Variants in KDM3A observed in about 807,000 individuals in gnomAD.
The protein encoded by KDM3A is lysine demethylase 3A.
KDM3A carries 60 observed loss-of-function variants against 158.0 expected under a neutral mutation model. The observed-to-expected ratio is 0.38, with a 90% CI of 0.31 to 0.47. The LOEUF (loss-of-function observed/expected upper bound fraction) is 0.47. Ranked by LOEUF, KDM3A falls within the 20% of genes least tolerant of loss-of-function variation. KDM3A has a pLI of 0.99. For synonymous variants in KDM3A, 608 were observed against 549.3 expected (o/e 1.11, Z -1.49); for missense variants, 1,319 against 1,574.3 (o/e 0.84, Z 2.74).
At chr2:86,472,245 T>C (rs185042905) in intron 11 of KDM3A, among the ~76,000 whole-genome samples, 147 of 152,236 alleles carry the variant, frequency 9.7e-4, no homozygotes, top group Non-Finnish European at 1.6e-3. Context: ...CATTTTTGAC[T>C]TCTTTAAAGG....
rs539803271 is a variant in KDM3A, at chr2:86,468,957, A to C, written c.1520-1247A>C. Reference sequence around the variant, plus strand: ...GAGCCAGGATAGAACAGATAAGATAACCTTCTTGCCTGTGATCTGTGGAAG... The same window carrying C: ...GAGCCAGGATAGAACAGATAAGATACCCTTCTTGCCTGTGATCTGTGGAAG... On this transcript the variant is annotated intron_variant, in intron 10 of 25. Transcript: ENST00000312912. 3.3e-5 allele frequency among the ~76,000 whole-genome samples: 5 copies of C among 152,256 alleles called. No individual in the cohort carries two copies. In the East Asian group the frequency reaches 9.7e-4, roughly 29 times the overall value.
chr2:86,454,110 A>G (rs1672587350), intron 4 of KDM3A, among the ~76,000 whole-genome samples: 1 of 152,124 alleles, frequency 6.6e-6, no homozygotes, highest in Non-Finnish European at 1.5e-5. Flanking sequence ...ATTCATTCAG[A>G]TTTTCTGTTT....
At chr2:86,474,701 T>TATGTG (rs1553396794) in intron 11 of KDM3A, 75 bp from the exon 12 acceptor site, 1 of 399,898 alleles carries the variant, frequency 2.5e-6, no homozygotes. Context: ...TGTAAATAAG[T>TATGTG]TGTGTGTGTG....
intron 3 of KDM3A, among the ~76,000 whole-genome samples, chr2:86,450,467 T>C (rs988274001): frequency 6.6e-5 from 10 of 152,220 alleles, no homozygotes; most frequent in African/African-American, 2.2e-4. Context: ...TGGATTATTA[T>C]ATTTTTTGGC....
intron 2 of KDM3A, among the ~76,000 whole-genome samples, chr2:86,449,356 G>C (rs11127040): frequency 0.78 from 118,389 of 152,164 alleles, 46,442 homozygotes; most frequent in East Asian, 0.95. Flanking sequence ...AATTCAAAAG[G>C]AGGTGGTGGA....
At chr2:86,468,787 T>G (rs2104669824) in intron 10 of KDM3A, among the ~76,000 whole-genome samples, 1 of 152,310 alleles carries the variant, frequency 6.6e-6, no homozygotes, top group South Asian at 2.1e-4. Flanking sequence ...GATAGATACG[T>G]GGCTCCTCGG....
intron 12 of KDM3A, among the ~76,000 whole-genome samples, chr2:86,477,220 TGA>T (rs773511890): frequency 2.1e-4 from 32 of 152,216 alleles, no homozygotes; most frequent in Non-Finnish European, 4.3e-4. Context: ...TTGGTTAGTG[TGA>T]GTTAGTCCTG....
intron 3 of KDM3A, 42 bp from the exon 4 acceptor site, chr2:86,451,061 C>T (rs1360872143): frequency 3.1e-6 from 4 of 1,307,338 alleles, no homozygotes; most frequent in African/African-American, 1.5e-5. Flanking sequence ...CAGAATTATG[C>T]TGACAGCAGT....
At chr2:86,444,121 C>T (rs1463194323) in intron 2 of KDM3A, among the ~76,000 whole-genome samples, 1 of 152,146 alleles carries the variant, frequency 6.6e-6, no homozygotes. Context: ...TTTAAATCTC[C>T]TCCCTCCGCC....
intron 16 of KDM3A, among the ~76,000 whole-genome samples, chr2:86,481,222 A>G (rs1673912351): frequency 6.6e-6 from 1 of 152,206 alleles, no homozygotes; most frequent in Non-Finnish European, 1.5e-5. Context: ...GACATCATAA[A>G]TAGTCGTTGA....
rs772947433 is a variant in KDM3A at position 86,481,895 on chromosome 2, T to C, written c.2513-35T>C. 2.6e-6 allele frequency: 4 copies of C among 1,538,680 alleles called. No individual in the cohort carries two copies. In the Admixed American group the frequency reaches 5.3e-5, roughly 20 times the overall value. ...CTAATAAGGGATTTGCCTTTCAGAA[T>C]GTTTTTTCATCTGGATGTTTTGGTT... On this transcript the variant is annotated intron_variant, in intron 16 of 25. Coordinates refer to ENST00000312912, the MANE Select transcript of KDM3A (RefSeq NM_018433.6).
At chr2:86,460,937 A>G (rs1672900567) in intron 8 of KDM3A, 1 of 152,200 alleles carries the variant, frequency 6.6e-6, no homozygotes, top group African/African-American at 2.4e-5. Context: ...GCTAAACCTT[A>G]GGAAAGTTGT....
upstream of KDM3A, among the ~76,000 whole-genome samples, chr2:86,438,072 C>A (rs1277429159): frequency 6.6e-6 from 1 of 151,990 alleles, no homozygotes; most frequent in African/African-American, 2.4e-5. Flanking sequence ...GGGAATTTTT[C>A]TAAAATTTCA....
At chr2:86,470,456 G>T (rs1455647426) in intron 11 of KDM3A, 48 bp downstream of exon 11, 1 of 1,491,064 alleles carries the variant, frequency 6.7e-7, no homozygotes, top group Non-Finnish European at 9.3e-7. Context: ...TACTTGTTAT[G>T]CTAGATCATC....
At chr2:86,484,244 A>G in intron 19 of KDM3A, 86 bp downstream of exon 19, 1 of 1,163,294 alleles carries the variant, frequency 8.6e-7, no homozygotes, top group Admixed American at 2.3e-5. Context: ...CATCAGTGGC[A>G]GCCGCAGCAT....
intron 4 of KDM3A, among the ~76,000 whole-genome samples, chr2:86,451,674 A>G: frequency 6.6e-6 from 1 of 152,170 alleles, no homozygotes; most frequent in Non-Finnish European, 1.5e-5. Flanking sequence ...TTCAGTGGCC[A>G]ACTGTATATT....
At chr2:86,450,071 G>T (rs1005447211) in intron 3 of KDM3A, 109 bp downstream of exon 3, 1 of 1,190,626 alleles carries the variant, frequency 8.4e-7, no homozygotes, top group East Asian at 2.5e-5. Context: ...AAGCTCCCAG[G>T]ATCTCCTGCC....
Position 86,492,453 on chromosome 2 carries a change from A to G in KDM3A, c.*334A>G, listed in dbSNP as rs1674505268. 4.2e-6 allele frequency: 1 copy of G among 236,962 alleles called. No homozygotes were observed. The highest frequency in any genetic ancestry group is 8.2e-5 in the South Asian group (1 of 12,170). The allele number at this position is 236,962 out of a possible 1,614,324, so 14.7% of individuals were successfully genotyped here. ...AACTTAGATTGGGTTTATAACTATTAGGAATCACTGCACAGTTTATTTGGG... is the reference window on the plus strand; with the variant it reads ...AACTTAGATTGGGTTTATAACTATTGGGAATCACTGCACAGTTTATTTGGG... On this transcript the variant is annotated 3_prime_UTR_variant, in exon 26 of 26. Coordinates refer to ENST00000312912, the MANE Select transcript of KDM3A (RefSeq NM_018433.6).
intron 17 of KDM3A, 50 bp from the exon 18 acceptor site, chr2:86,482,408 G>A: frequency 6.3e-7 from 1 of 1,588,776 alleles, no homozygotes; most frequent in Non-Finnish European, 8.5e-7. Flanking sequence ...GGAGTTTCTT[G>A]ATGGTAAGGG....
Sources: allele counts gnomAD v4.1 joint callset (sites outside exome capture counted in the v4.1 genomes callset), GRCh38; gene constraint gnomAD v4.1.1; transcripts MANE v1.5; gene names NCBI Gene and HGNC (gene_info 2026-07-23, HGNC 2026-07-21).